Variants in WFDC8 observed in about 807,000 individuals in gnomAD.
WFDC8 encodes the protein WAP four-disulfide core domain protein 8.
Under a neutral mutation model 27.0 loss-of-function variants are expected in WFDC8, and 24 were observed. The ratio of observed to expected loss-of-function variants is 0.89; its 90% CI spans 0.64 to 1.25. The LOEUF (loss-of-function observed/expected upper bound fraction) is 1.25. WFDC8 is among the 50% of genes most tolerant of loss of function. The probability of loss-of-function intolerance (pLI) is 0.00; values close to 1 mark genes in which losing one functional copy is unlikely to be tolerated. For missense variants in WFDC8, 287 were observed against 295.9 expected (o/e 0.97, Z 0.22); for synonymous variants, 106 against 99.7 (o/e 1.06, Z -0.38).
chr20:45,553,962 T>G (rs1372538291), intron 4 of WFDC8, among the ~76,000 whole-genome samples: 2 of 151,584 alleles, frequency 1.3e-5, no homozygotes, highest in Non-Finnish European at 2.9e-5. Flanking sequence ...GTTAGGGGAG[T>G]GATGGTAAGA....
chr20:45,556,279 T>C (rs1247515196), intron 3 of WFDC8, among the ~76,000 whole-genome samples: 1 of 152,258 alleles, frequency 6.6e-6, no homozygotes, highest in African/African-American at 2.4e-5. Flanking sequence ...TCATATATCA[T>C]TTTAATGCAC....
At chr20:45,553,944 C>T (rs1422300986) in intron 4 of WFDC8, among the ~76,000 whole-genome samples, 3 of 152,024 alleles carry the variant, frequency 2.0e-5, no homozygotes, top group African/African-American at 7.3e-5. Context: ...TGGATAGAAC[C>T]GGTTTGCGTT....
intron 1 of WFDC8, among the ~76,000 whole-genome samples, chr20:45,571,367 A>T (rs1980860283): frequency 6.6e-6 from 1 of 152,170 alleles, no homozygotes; most frequent in African/African-American, 2.4e-5. Flanking sequence ...ATTGACTAAT[A>T]ATAATTATTT....
At position 45,552,108 on chromosome 20, in the gene WFDC8, T is replaced by C. The variant is rs1980055401; in HGVS notation, c.644A>G (p.Lys215Arg). 6.2e-7 allele frequency: 1 copy of C among 1,614,024 alleles called. No individual in the cohort carries two copies. The highest frequency in any genetic ancestry group is 8.5e-7 in the Non-Finnish European group (1 of 1,179,982). The stretch of plus-strand genomic sequence containing the variant: ...TGGGCACTCCTCATCCTGCAGGCAC[T>C]TGGGTTTATCAATCTTGGTACATAG... ...PLLCTKIDKP[K>R]CLQDEECPLV... Residue 215 changes from lysine to arginine, a missense_variant, in exon 6 of 6, where the codon AAG becomes AGG. Transcript: ENST00000289953.
At chr20:45,568,806 A>G (rs1039163629) in intron 1 of WFDC8, 5 of 395,252 alleles carry the variant, frequency 1.3e-5, no homozygotes, top group Non-Finnish European at 2.6e-5. Flanking sequence ...ACACAAAGAC[A>G]TAATAGGATA....
At chr20:45,551,222 C>T (rs1980022003), downstream of WFDC8, 1 of 151,868 alleles carries the variant, frequency 6.6e-6, no homozygotes, top group Non-Finnish European at 1.5e-5. Flanking sequence ...TTTATTATGC[C>T]AACAAATTAG....
At chr20:45,576,460 C>T (rs1401391105) in intron 1 of WFDC8, among the ~76,000 whole-genome samples, 1 of 151,178 alleles carries the variant, frequency 6.6e-6, no homozygotes, top group Non-Finnish European at 1.5e-5. Context: ...AGCGCAGTGG[C>T]ACGATCTTGG....
At chr20:45,551,471 T>TA (rs1237238354), downstream of WFDC8, 1 of 151,712 alleles carries the variant, frequency 6.6e-6, no homozygotes, top group Non-Finnish European at 1.5e-5. Context: ...CTACTAAAAA[T>TA]ACAAAAAATT....
chr20:45,556,359 T>C lies in WFDC8; in HGVS notation c.278-491A>G, dbSNP rs549366234. ...TTTAATTTATATTTATTTTAGACTA[T>C]ATAAATTATGTCAGACAAAAAGCAA... On this transcript the variant is annotated intron_variant, in intron 3 of 5. Coordinates refer to ENST00000289953, the MANE Select transcript of WFDC8 (RefSeq NM_130896.3). 3.3e-5 allele frequency among the ~76,000 whole-genome samples: 5 copies of C among 152,348 alleles called. No homozygotes were observed. In the East Asian group the frequency reaches 7.7e-4, roughly 24 times the overall value.
downstream of WFDC8, chr20:45,551,633 G>GA (rs60900399): frequency 2.1e-5 from 3 of 142,608 alleles, no homozygotes; most frequent in African/African-American, 7.9e-5. Flanking sequence ...AAAAAAAAAA[G>GA]AAAGAAAGAA....
Position 45,558,842 on chromosome 20 carries a change from A to C in WFDC8, c.277+10T>G. ...TGGGGAACCTCTGTCCTCAGCCTGGACATCGCTACCTTGAAAGGGATCCAT... is the reference window on the plus strand; with the variant it reads ...TGGGGAACCTCTGTCCTCAGCCTGGCCATCGCTACCTTGAAAGGGATCCAT... On this transcript the variant is annotated intron_variant, in intron 3 of 5. Coordinates refer to ENST00000289953, the MANE Select transcript of WFDC8 (RefSeq NM_130896.3). 6.2e-7 allele frequency: 1 copy of C among 1,614,100 alleles called. No homozygotes were observed.
intron 1 of WFDC8, among the ~76,000 whole-genome samples, chr20:45,569,406 ATG>A (rs1980790645): frequency 6.6e-6 from 1 of 152,196 alleles, no homozygotes; most frequent in Non-Finnish European, 1.5e-5. Flanking sequence ...AATTTTTACA[ATG>A]TGTTTATTTA....
intron 3 of WFDC8, 123 bp downstream of exon 3, chr20:45,558,729 G>T: frequency 8.1e-7 from 1 of 1,231,050 alleles, no homozygotes; most frequent in Non-Finnish European, 1.1e-6. Context: ...GTTAGGCATT[G>T]AATAACAGAA....
At chr20:45,566,012 A>G (rs1568639886) in intron 1 of WFDC8, among the ~76,000 whole-genome samples, 1 of 152,202 alleles carries the variant, frequency 6.6e-6, no homozygotes, top group Admixed American at 6.5e-5. Context: ...AAACTTTCCT[A>G]TATTTTGAAA....
At chr20:45,565,802 G>T (rs1980656594) in intron 1 of WFDC8, among the ~76,000 whole-genome samples, 1 of 152,146 alleles carries the variant, frequency 6.6e-6, no homozygotes, top group South Asian at 2.1e-4. Context: ...ACATTGATTT[G>T]AATTGAAAAA....
chr20:45,559,506 G>T (rs1239653976), intron 2 of WFDC8, among the ~76,000 whole-genome samples: 1 of 152,162 alleles, frequency 6.6e-6, no homozygotes, highest in Admixed American at 6.5e-5. Context: ...TAGTCAGGCA[G>T]ACCTGGCTCG....
chr20:45,571,074 C>A (rs73908146), intron 1 of WFDC8, among the ~76,000 whole-genome samples: 2,739 of 152,092 alleles, frequency 0.018, 76 homozygotes, highest in African/African-American at 0.056. Flanking sequence ...CATCATTGAA[C>A]CTACTTTAAA....
intron 1 of WFDC8, among the ~76,000 whole-genome samples, chr20:45,563,068 TC>T (rs1267792471): frequency 6.6e-6 from 1 of 152,168 alleles, no homozygotes; most frequent in Non-Finnish European, 1.5e-5. Context: ...CTTCCAGAGT[TC>T]CTGAAGCCAT....
chr20:45,556,799 T>C (rs182895069), intron 3 of WFDC8, among the ~76,000 whole-genome samples: 4 of 152,298 alleles, frequency 2.6e-5, no homozygotes, highest in Admixed American at 2.0e-4. Context: ...AAACTATTTC[T>C]CAATCATATT....
Sources: allele counts gnomAD v4.1 joint callset (sites outside exome capture counted in the v4.1 genomes callset), GRCh38; gene constraint gnomAD v4.1.1; transcripts MANE v1.5; gene names NCBI Gene and HGNC (gene_info 2026-07-23, HGNC 2026-07-21).